VOPP1: variants seen among roughly 807,000 people sequenced by gnomAD.
The protein encoded by VOPP1 is WW domain binding protein VOPP1.
A neutral mutation model predicts 23.5 loss-of-function variants in VOPP1; 8 were observed. The ratio of observed to expected loss-of-function variants is 0.34; its 90% confidence interval spans 0.20 to 0.61. VOPP1 has a LOEUF of 0.61. Among genes scored for constraint, VOPP1 ranks in the 20% least tolerant of loss-of-function variants. The pLI is 0.78. For synonymous variants in VOPP1, 83 were observed against 97.3 expected (o/e 0.85, Z 0.86); for missense variants, 174 against 238.1 (o/e 0.73, Z 1.77).
At chr7:55,453,079 C>G (rs1246583525) in intron 4 of VOPP1, among the ~76,000 whole-genome samples, 2 of 152,224 alleles carry the variant, frequency 1.3e-5, no homozygotes, top group East Asian at 3.9e-4. Context: ...CCACCCTCCT[C>G]AGTGGTCTTA....
intron 3 of VOPP1, 38 bp downstream of exon 3, chr7:55,497,575 G>T: frequency 5.3e-6 from 7 of 1,331,910 alleles, no homozygotes; most frequent in Non-Finnish European, 7.4e-6. Flanking sequence ...GGGGGGCAGA[G>T]CTCTCGGGGT....
At position 55,572,352 on chromosome 7, in the gene VOPP1, C is replaced by G. The variant is rs1377925681; in HGVS notation, c.-28G>C. The G allele has an allele frequency of 2.6e-5, 34 of 1,332,630 alleles. No homozygotes were observed. The highest frequency in any genetic ancestry group is 3.2e-5 in the Non-Finnish European group (33 of 1,042,616). The allele number at this position is 1,332,630 out of a possible 1,614,324, so 82.6% of individuals were successfully genotyped here. ...CTCCTCGCGTCCTCTCCAGCGCGCC[C>G]GGACGCCGGGTCGCAGGCGCGCTTC... On this transcript the variant is annotated 5_prime_UTR_variant, in exon 1 of 5. Transcript: ENST00000285279.
At chr7:55,506,789 C>T (rs189938441) in intron 2 of VOPP1, among the ~76,000 whole-genome samples, 1,671 of 152,252 alleles carry the variant, frequency 0.011, 11 homozygotes, top group Middle Eastern at 0.02. Flanking sequence ...CAGGTGTGCG[C>T]CGCCATGCCT....
downstream of VOPP1, among the ~76,000 whole-genome samples, chr7:55,466,204 T>G (rs916165566): frequency 9.2e-5 from 14 of 152,192 alleles, no homozygotes; most frequent in African/African-American, 3.4e-4. Flanking sequence ...GAAATAAATT[T>G]CCTTTGTTTA....
intron 4 of VOPP1, among the ~76,000 whole-genome samples, chr7:55,476,267 G>C (rs1023862325): frequency 3.3e-5 from 5 of 152,196 alleles, no homozygotes; most frequent in Non-Finnish European, 7.4e-5. Context: ...GGGAGCTCCA[G>C]GCTCAGCAAA....
At chr7:55,504,898 A>G (rs561288994) in intron 2 of VOPP1, among the ~76,000 whole-genome samples, 2 of 152,180 alleles carry the variant, frequency 1.3e-5, no homozygotes, top group Admixed American at 6.5e-5. Flanking sequence ...ACACAGCCAA[A>G]TCCTAATAAA....
chr7:55,491,704 C>G (rs1424544316), intron 4 of VOPP1, among the ~76,000 whole-genome samples: 2 of 152,210 alleles, frequency 1.3e-5, no homozygotes, highest in Non-Finnish European at 2.9e-5. Context: ...CATTTTGACC[C>G]TGGGATGTCA....
chr7:55,559,719 A>G (rs745457207), intron 1 of VOPP1, among the ~76,000 whole-genome samples: 3 of 152,236 alleles, frequency 2.0e-5, no homozygotes, highest in Non-Finnish European at 1.5e-5. Flanking sequence ...CCAAGAACTC[A>G]AAGCATAAAA....
At chr7:55,443,571 C>T (rs1583786902) in intron 4 of VOPP1, among the ~76,000 whole-genome samples, 1 of 151,632 alleles carries the variant, frequency 6.6e-6, no homozygotes, top group Admixed American at 6.6e-5. Context: ...AAAACAAAAC[C>T]AAACAAACAA....
intron 1 of VOPP1, among the ~76,000 whole-genome samples, chr7:55,527,965 T>G (rs1796286447): frequency 6.6e-6 from 1 of 152,044 alleles, no homozygotes; most frequent in Admixed American, 6.6e-5. Context: ...ATCACATAAT[T>G]GTTGGGAAAA....
chr7:55,530,453 G>A (rs965161208), intron 1 of VOPP1, among the ~76,000 whole-genome samples: 1 of 152,092 alleles, frequency 6.6e-6, no homozygotes, highest in Non-Finnish European at 1.5e-5. Context: ...ACTTAACATT[G>A]TAACAACCCT....
chr7:55,516,930 ATATTTTTTTTTTTTT>A (rs1423172284), intron 2 of VOPP1, among the ~76,000 whole-genome samples: 3 of 50,060 alleles, frequency 6.0e-5, no homozygotes, highest in African/African-American at 3.5e-4. Context: ...ATATATATAT[ATATTTTTTTTTTTTT>A]TTTTTTTTTT....
At chr7:55,526,531 C>T (rs905654621) in intron 1 of VOPP1, among the ~76,000 whole-genome samples, 1 of 152,182 alleles carries the variant, frequency 6.6e-6, no homozygotes, top group Non-Finnish European at 1.5e-5. Flanking sequence ...CAGGCAGGCA[C>T]AGCTGACTTG....
At chr7:55,543,509 G>A (rs964407353) in intron 1 of VOPP1, among the ~76,000 whole-genome samples, 4 of 152,144 alleles carry the variant, frequency 2.6e-5, no homozygotes, top group Admixed American at 2.0e-4. Context: ...GCTCTCCATA[G>A]TACTAACTTA....
downstream of VOPP1, among the ~76,000 whole-genome samples, chr7:55,468,149 T>C (rs1470199784): frequency 6.6e-6 from 1 of 151,748 alleles, no homozygotes; most frequent in Non-Finnish European, 1.5e-5. Context: ...CATGTGCCTG[T>C]AGTCCCAGCT....
chr7:55,518,556 G>C lies in VOPP1; in HGVS notation c.113+2516C>G, dbSNP rs570052547. Among the ~76,000 whole-genome samples, 3 of 152,312 alleles carry C rather than the reference G, an allele frequency of 2.0e-5. No homozygotes were observed. The East Asian group carries it at 5.8e-4, about 29-fold the overall frequency. ...GGAGGAACAAACTTTTATGGGGACA[G>C]GGAACTGAGTCAGAAGAGGCTGAGA... On this transcript the variant is annotated intron_variant, in intron 2 of 4. Coordinates refer to ENST00000285279, the MANE Select transcript of VOPP1 (RefSeq NM_030796.5).
chr7:55,493,065 G>A (rs1793695915), intron 3 of VOPP1: 1 of 152,232 alleles, frequency 6.6e-6, no homozygotes, highest in South Asian at 2.1e-4. Context: ...CAGAAGCAGA[G>A]CTGAACTCTT....
At chr7:55,528,978 TCA>T (rs749500200) in intron 1 of VOPP1, among the ~76,000 whole-genome samples, 2 of 152,198 alleles carry the variant, frequency 1.3e-5, no homozygotes, top group Non-Finnish European at 1.5e-5. Context: ...AAGCCTAAAT[TCA>T]CAGTGTTATA....
At chr7:55,522,759 C>T (rs1461355136) in intron 1 of VOPP1, among the ~76,000 whole-genome samples, 2 of 152,206 alleles carry the variant, frequency 1.3e-5, no homozygotes, top group Admixed American at 6.5e-5. Context: ...GCCACAGCCA[C>T]GCAGCGAGAG....
Sources: gnomAD v4.1 joint callset for allele counts (sites outside exome capture counted in the v4.1 genomes callset) on GRCh38, gnomAD v4.1.1 for gene constraint, MANE v1.5 for transcripts, NCBI Gene and HGNC (gene_info 2026-07-23, HGNC 2026-07-21) for gene names.